The following DOCK5 variants were observed in gnomAD, a reference collection of about 807,000 sequenced individuals.
DOCK5 encodes dedicator of cytokinesis 5.
Under a neutral mutation model 251.8 loss-of-function variants are expected in DOCK5, and 142 were observed. The ratio of observed to expected loss-of-function variants is 0.56; its 90% CI spans 0.49 to 0.65. DOCK5 has a LOEUF of 0.65. Among genes scored for constraint, DOCK5 ranks in the 30% least tolerant of loss-of-function variants. The pLI, the probability that DOCK5 is intolerant of heterozygous loss-of-function variation, is 0.00. For synonymous variants in DOCK5, 842 were observed against 835.5 expected, an observed-to-expected ratio of 1.01 and a Z score of -0.13; for missense variants, 2,111 against 2,312.3, an observed-to-expected ratio of 0.91 and a Z score of 1.79.
chr8:25,213,336 A>G (rs1802148642), intron 1 of DOCK5, among the ~76,000 whole-genome samples: 1 of 144,956 alleles, frequency 6.9e-6, no homozygotes, highest in African/African-American at 2.6e-5. Context: ...GAAAGTCAGG[A>G]GCCTCCTGAA....
chr8:25,376,017 G>A (rs1800956316), intron 37 of DOCK5: 2 of 882,174 alleles, frequency 2.3e-6, no homozygotes, highest in South Asian at 5.3e-5. Flanking sequence ...AGAATCATTT[G>A]AACCTGCAAG....
At chr8:25,403,784 T>C (rs984278163) in intron 48 of DOCK5, 60 bp downstream of exon 48, 21 of 1,564,292 alleles carry the variant, frequency 1.3e-5, no homozygotes, top group Non-Finnish European at 1.7e-5. Context: ...AATGTTTGCC[T>C]TTAGCCACGC....
chr8:25,198,726 C>G (rs1801797143), intron 1 of DOCK5, among the ~76,000 whole-genome samples: 1 of 152,118 alleles, frequency 6.6e-6, no homozygotes, highest in Non-Finnish European at 1.5e-5. Flanking sequence ...AAAAAAAGCC[C>G]CAGAGACATC....
chr8:25,234,478 G>T (rs150933144), intron 1 of DOCK5, among the ~76,000 whole-genome samples: 1 of 152,168 alleles, frequency 6.6e-6, no homozygotes, highest in African/African-American at 2.4e-5. Context: ...ATTAAAGACT[G>T]CAATAGTTGC....
intron 26 of DOCK5, 42 bp from the exon 27 acceptor site, chr8:25,351,689 C>T: frequency 6.6e-7 from 1 of 1,518,906 alleles, no homozygotes; most frequent in Non-Finnish European, 9.1e-7. Context: ...GAAAGTGAAA[C>T]TGAGTCAGAA....
chr8:25,190,326 T>C (rs1801545733), intron 1 of DOCK5, among the ~76,000 whole-genome samples: 1 of 152,248 alleles, frequency 6.6e-6, no homozygotes, highest in Admixed American at 6.5e-5. Flanking sequence ...AAGTTCGTGA[T>C]ACTGCAGTAT....
intron 30 of DOCK5, among the ~76,000 whole-genome samples, chr8:25,365,865 T>A (rs951978964): frequency 5.3e-5 from 8 of 152,192 alleles, no homozygotes; most frequent in African/African-American, 1.9e-4. Context: ...TTGAAAATCA[T>A]AAGTAGAGGA....
At chr8:25,318,479 C>T (rs1352113332) in intron 14 of DOCK5, among the ~76,000 whole-genome samples, 1 of 147,556 alleles carries the variant, frequency 6.8e-6, no homozygotes, top group East Asian at 2.0e-4. Context: ...CTCCTCTCCA[C>T]TCCCCTCCCC....
chr8:25,394,964 G>A (rs2117325417), intron 44 of DOCK5, among the ~76,000 whole-genome samples: 1 of 151,908 alleles, frequency 6.6e-6, no homozygotes, highest in East Asian at 1.9e-4. Flanking sequence ...GGGGATAGGG[G>A]ATGGTTTTGG....
intron 8 of DOCK5, among the ~76,000 whole-genome samples, chr8:25,299,683 G>A (rs1804710248): frequency 6.6e-6 from 1 of 152,132 alleles, no homozygotes. Flanking sequence ...TTGCTGCAAA[G>A]CCAAAACTGC....
intron 1 of DOCK5, among the ~76,000 whole-genome samples, chr8:25,213,670 CAAA>C (rs1802159306): frequency 6.6e-6 from 1 of 152,174 alleles, no homozygotes; most frequent in African/African-American, 2.4e-5. Context: ...CCTCACCCCC[CAAA>C]GAAAAGCAGT....
rs535118280 is a variant in DOCK5 at position 25,364,686 on chromosome 8, G to A, written c.3105G>A (p.Gln1035=). 6.3e-7 allele frequency: 1 copy of A among 1,595,518 alleles called. No homozygotes were observed. Among genetic ancestry groups the A allele is most frequent in the African/African-American group, 1.3e-5 (1 of 74,896 alleles). The change falls in exon 30 of 52, where the codon CAG becomes CAA. Residue 1035 remains glutamine, a synonymous_variant. Coordinates refer to ENST00000276440, the MANE Select transcript of DOCK5 (RefSeq NM_024940.8). ...AEVLTRFFMD[Q]ASFELQLWNN... ...TTCTCACAAGATTCTTCATGGATCA[G>A]GCAAGCTTTGAACTTCAGGTAGGCA...
rs1801691636 is a variant in DOCK5, at chr8:25,415,461, T to G, written c.*4163T>G. 6.6e-6 allele frequency: 1 copy of G among 152,178 alleles called. No individual in the cohort carries two copies. 9.4% of individuals were successfully genotyped at this position (152,178 alleles called of 1,614,324 possible). ...TCAATTCTAATCTACAAAAGGAAAT[T>G]CATGATTTCACTCTGACGCCTAGGA... On this transcript the variant is annotated 3_prime_UTR_variant, in exon 52 of 52. Coordinates refer to ENST00000276440, the MANE Select transcript of DOCK5 (RefSeq NM_024940.8).
chr8:25,342,968 G>A (rs1800269607), intron 25 of DOCK5, among the ~76,000 whole-genome samples: 1 of 151,922 alleles, frequency 6.6e-6, no homozygotes, highest in Admixed American at 6.6e-5. Context: ...GCCTCCCAAA[G>A]TGTTGGGATT....
intron 27 of DOCK5, among the ~76,000 whole-genome samples, chr8:25,353,583 CAACA>C (rs1800510555): frequency 6.6e-6 from 1 of 150,668 alleles, no homozygotes; most frequent in South Asian, 2.1e-4. Flanking sequence ...TTTTTTTTAC[CAACA>C]GAAAGAGGGA....
intron 1 of DOCK5, among the ~76,000 whole-genome samples, chr8:25,241,212 C>T (rs984719521): frequency 1.3e-5 from 2 of 152,172 alleles, no homozygotes; most frequent in Non-Finnish European, 2.9e-5. Flanking sequence ...CACGGTGGCT[C>T]ACGCCTGTAA....
chr8:25,229,100 A>G (rs1802604747), intron 1 of DOCK5, among the ~76,000 whole-genome samples: 1 of 152,068 alleles, frequency 6.6e-6, no homozygotes, highest in Non-Finnish European at 1.5e-5. Context: ...TGATGCAAGA[A>G]TTTTACACTC....
intron 1 of DOCK5, among the ~76,000 whole-genome samples, chr8:25,186,678 C>A (rs1409612999): frequency 1.3e-5 from 2 of 151,964 alleles, no homozygotes; most frequent in Non-Finnish European, 2.9e-5. Context: ...CTCACCTGGC[C>A]CCTAGATGAA....
At chr8:25,367,999 C>T (rs375683010) in intron 31 of DOCK5, among the ~76,000 whole-genome samples, 193 bp from the exon 32 acceptor site, 3 of 152,108 alleles carry the variant, frequency 2.0e-5, no homozygotes, top group Non-Finnish European at 4.4e-5. Flanking sequence ...GGCTTTATTG[C>T]GGCACAAGGT....
Sources: gnomAD v4.1 joint callset for allele counts (sites outside exome capture counted in the v4.1 genomes callset) on GRCh38, gnomAD v4.1.1 for gene constraint, MANE v1.5 for transcripts, NCBI Gene and HGNC (gene_info 2026-07-23, HGNC 2026-07-21) for gene names.